The following RIC1 variants were observed in gnomAD, a reference collection of about 807,000 sequenced individuals.
RIC1 encodes the protein guanine nucleotide exchange factor subunit RIC1.
Under a neutral mutation model 169.0 loss-of-function variants are expected in RIC1, and 88 were observed. The ratio of observed to expected loss-of-function variants is 0.52; its 90% CI spans 0.44 to 0.62. RIC1 has a LOEUF of 0.62. Among genes scored for constraint, RIC1 ranks in the 20% least tolerant of loss-of-function variants. RIC1 has a pLI of 0.00. For synonymous variants in RIC1, 790 were observed against 601.5 expected (o/e 1.31, Z -4.59); for missense variants, 1,877 against 1,725.5 (o/e 1.09, Z -1.56).
intron 3 of RIC1, among the ~76,000 whole-genome samples, chr9:5,700,827 T>C (rs992268720): frequency 1.3e-5 from 2 of 152,136 alleles, no homozygotes; most frequent in East Asian, 1.9e-4. Context: ...ATAATAATCT[T>C]AATAAAAGTT....
intron 2 of RIC1, among the ~76,000 whole-genome samples, chr9:5,668,996 A>G (rs1482042659): frequency 1.3e-5 from 2 of 152,164 alleles, no homozygotes; most frequent in Non-Finnish European, 2.9e-5. Context: ...ACTGAGTATT[A>G]TGTTGTGGTG....
rs1175972753 is a variant in RIC1, at chr9:5,773,045, G to T, written c.3948G>T (p.Gly1316=). 6.2e-7 allele frequency: 1 copy of T among 1,613,230 alleles called. No individual in the cohort carries two copies. The highest frequency in any genetic ancestry group is 1.1e-5 in the South Asian group (1 of 90,944). The change falls in exon 25 of 26, where the codon GGG becomes GGT. Residue 1316 remains glycine (G), a synonymous_variant. Transcript: ENST00000414202. ...AGATGTTACAGAACATAAAGACAGG[G>T]CTCCATGCAGTGGACCGATGGGCCT... ...DGEMLQNIKT[G]LHAVDRWAST...
intron 2 of RIC1, among the ~76,000 whole-genome samples, chr9:5,669,880 C>T (rs1374019025): frequency 1.3e-5 from 2 of 152,150 alleles, no homozygotes; most frequent in Admixed American, 1.3e-4. Flanking sequence ...CCAGGGTGAT[C>T]AGACATCACT....
At chr9:5,753,389 C>T (rs1301599488) in intron 13 of RIC1, 147 bp from the exon 14 acceptor site, 4 of 827,328 alleles carry the variant, frequency 4.8e-6, no homozygotes, top group Non-Finnish European at 7.8e-6. Context: ...ATAATTTTGT[C>T]AGATATAACT....
intron 1 of RIC1, among the ~76,000 whole-genome samples, chr9:5,635,333 C>T (rs931949356): frequency 1.2e-4 from 19 of 152,084 alleles, no homozygotes; most frequent in East Asian, 3.8e-4. Context: ...CTTCCCCCTC[C>T]GTCTTTAATC....
chr9:5,738,678 CAA>C (rs1824887287), intron 8 of RIC1, 140 bp downstream of exon 8: 1 of 462,322 alleles, frequency 2.2e-6, no homozygotes. Flanking sequence ...TAAACTGGCT[CAA>C]GTCTGGAAAT....
In RIC1 at chr9:5,774,134, C is replaced by T. The variant is rs764450150; in HGVS notation, c.4160C>T (p.Pro1387Leu). 12 of 1,613,868 alleles carry T rather than the reference C, an allele frequency of 7.4e-6. No individual in the cohort carries two copies. In the African/African-American group the frequency reaches 1.2e-4, roughly 16 times the overall value. ...GGCTCCTCCAGCCATGGAAGCATCC[C>T]CCAGGGTGAAGTTGGAAGCAGCAAT... ...SRGSSSHGSI[P>L]QGEVGSSNMV... Residue 1387 changes from proline (P) to leucine (L), a missense_variant, in exon 26 of 26, where the codon CCC becomes CTC. Pro to Leu is a moderately conservative substitution (Grantham distance 98). This residue lies in a region of RIC1 where 681 missense variants were observed against 582.0 expected (regional missense o/e 1.17). Transcript: ENST00000414202.
In RIC1 at chr9:5,743,134, C is replaced by G. The variant is rs189528568; in HGVS notation, c.1046+121C>G. 3.7e-5 allele frequency: 31 copies of G among 841,816 alleles called. No individual in the cohort carries two copies. In the East Asian group the frequency reaches 8.1e-4, roughly 22 times the overall value. The allele number at this position is 841,816 out of a possible 1,614,324, so 52.1% of individuals were successfully genotyped here. ...TTGACTCTTACCTTAAAACAATTTG[C>G]AAAGTTCATAATCTGTTCGAATATA... On this transcript the variant is annotated intron_variant, in intron 9 of 25. Transcript: ENST00000414202.
intron 4 of RIC1, chr9:5,719,065 T>C (rs183830717): frequency 2.6e-5 from 4 of 152,344 alleles, no homozygotes; most frequent in Admixed American, 1.3e-4. Flanking sequence ...GTATATATAA[T>C]ATACACATAA....
intron 21 of RIC1, 87 bp downstream of exon 21, chr9:5,765,885 A>C (rs528937914): frequency 1.6e-5 from 24 of 1,482,696 alleles, no homozygotes; most frequent in Non-Finnish European, 1.7e-5. Context: ...TCTTAATGGA[A>C]ACAACTATTT....
At chr9:5,755,407 A>C (rs1301341990) in intron 15 of RIC1, among the ~76,000 whole-genome samples, 1 of 152,212 alleles carries the variant, frequency 6.6e-6, no homozygotes, top group Non-Finnish European at 1.5e-5. Flanking sequence ...GTAAGAGATT[A>C]ATAATGACTA....
At chr9:5,671,707 G>A (rs570174735) in intron 2 of RIC1, among the ~76,000 whole-genome samples, 1 of 152,266 alleles carries the variant, frequency 6.6e-6, no homozygotes, top group South Asian at 2.1e-4. Flanking sequence ...AAGATAGAAG[G>A]ACTAAGCCCC....
chr9:5,739,616 C>A (rs946224454), intron 8 of RIC1, among the ~76,000 whole-genome samples: 1 of 152,146 alleles, frequency 6.6e-6, no homozygotes, highest in African/African-American at 2.4e-5. Flanking sequence ...TCAACATTAT[C>A]TTGCCTGGCG....
At chr9:5,649,424 A>T (rs1185530697) in intron 1 of RIC1, among the ~76,000 whole-genome samples, 1 of 152,102 alleles carries the variant, frequency 6.6e-6, no homozygotes, top group African/African-American at 2.4e-5. Context: ...GTTATTTCAA[A>T]AATCTGAAAT....
Position 5,651,842 on chromosome 9 carries a change from A to G in RIC1, c.145-4741A>G, listed in dbSNP as rs113821919. 5.5e-3 allele frequency among the ~76,000 whole-genome samples: 844 copies of G among 152,246 alleles called. 10 individuals carry two copies. Among genetic ancestry groups the G allele is most frequent in the African/African-American group, 0.019 (792 of 41,556 alleles). On this transcript the variant is annotated intron_variant, in intron 1 of 25. Transcript: ENST00000414202. ...CTCGGCCTCCCAAAGTGCTGGGATT[A>G]CAGGCATGAGCCACCGCACCTAGCC...
At chr9:5,748,619 G>C (rs1002986109) in intron 12 of RIC1, 1 of 152,512 alleles carries the variant, frequency 6.6e-6, no homozygotes, top group Admixed American at 6.5e-5. Context: ...CCCATACTTT[G>C]AACTATTCAT....
chr9:5,705,357 A>G (rs992950176), intron 3 of RIC1, among the ~76,000 whole-genome samples: 1 of 152,014 alleles, frequency 6.6e-6, no homozygotes, highest in Non-Finnish European at 1.5e-5. Flanking sequence ...TTACGCATAC[A>G]ACTCTTACTC....
rs1189691170 is a variant in RIC1, at chr9:5,743,794, CCT to C, written c.1095+58_1095+59del. 3.3e-6 allele frequency: 4 copies of C among 1,221,468 alleles called. No individual in the cohort carries two copies. The African/African-American group carries it at 6.1e-5, about 19-fold the overall frequency. 75.7% of individuals were successfully genotyped at this position (1,221,468 alleles called of 1,614,324 possible). On this transcript the variant is annotated intron_variant, in intron 10 of 25. Coordinates refer to ENST00000414202, the MANE Select transcript of RIC1 (RefSeq NM_020829.4). ...ATTAAAAAAACTTGGATTTTTCTTCCCTTTTTTCACTCATTTTTATTTATTTA... is the reference window on the plus strand; with the variant it reads ...ATTAAAAAAACTTGGATTTTTCTTCCTTTTTCACTCATTTTTATTTATTTA...
Position 5,769,246 on chromosome 9 carries a change from A to C in RIC1, c.3414A>C (p.Lys1138Asn). The change falls in exon 22 of 26, where the codon AAA (lysine) becomes AAC (asparagine). Residue 1138 changes from lysine to asparagine, a missense_variant. This residue lies in a region of RIC1 where 681 missense variants were observed against 582.0 expected (regional missense o/e 1.17). Transcript: ENST00000414202. ...TCAGTTCTCCTTTCAAAAATGGAAAATACCGAACTGGTAATGTAGACTTCA... is the reference window on the plus strand; with the variant it reads ...TCAGTTCTCCTTTCAAAAATGGAAACTACCGAACTGGTAATGTAGACTTCA... ...SSISSPFKNG[K>N]YRTVGEQLLK... 6.2e-7 allele frequency: 1 copy of C among 1,614,134 alleles called. No individual in the cohort carries two copies. Among genetic ancestry groups the C allele is most frequent in the South Asian group, 1.1e-5 (1 of 91,082 alleles).
Sources: allele counts gnomAD v4.1 joint callset (sites outside exome capture counted in the v4.1 genomes callset), GRCh38; gene constraint gnomAD v4.1.1; regional missense constraint gnomAD v4.1.1; transcripts MANE v1.5; gene names NCBI Gene and HGNC (gene_info 2026-07-23, HGNC 2026-07-21).